HOMER2: variants seen among roughly 807,000 people sequenced by gnomAD.
HOMER2 encodes the protein homer protein homolog 2.
A neutral mutation model predicts 47.0 loss-of-function variants in HOMER2; 27 were observed. That is an observed-to-expected ratio of 0.57 (90% CI 0.42 to 0.79). The LOEUF (loss-of-function observed/expected upper bound fraction) is 0.79. Ranked by LOEUF, HOMER2 falls within the 30% of genes least tolerant of loss-of-function variation. The probability of loss-of-function intolerance (pLI) is 0.00; values close to 1 mark genes in which losing one functional copy is unlikely to be tolerated. For synonymous variants in HOMER2, 161 were observed against 163.8 expected (o/e 0.98, Z 0.13); for missense variants, 443 against 435.0 (o/e 1.02, Z -0.16).
chr15:82,855,283 G>A (rs760005218), intron 5 of HOMER2, among the ~76,000 whole-genome samples: 16 of 119,834 alleles, frequency 1.3e-4, no homozygotes, highest in East Asian at 5.7e-4. Context: ...CCGAGATCAC[G>A]CCACTGCACT....
intron 2 of HOMER2, among the ~76,000 whole-genome samples, chr15:82,878,322 T>C (rs934076222): frequency 8.5e-4 from 129 of 152,294 alleles, no homozygotes; most frequent in African/African-American, 3.0e-3. Context: ...TAGGGCACTT[T>C]TTCACAGTCT....
intron 1 of HOMER2, among the ~76,000 whole-genome samples, chr15:82,984,436 A>G (rs76230174): frequency 0.011 from 1,653 of 152,352 alleles, 9 homozygotes; most frequent in Non-Finnish European, 0.017. Context: ...TACTTTTGCT[A>G]GGTTAATGTT....
At chr15:82,958,877 T>A (rs2054607298) in exon 2 of HOMER2, 1 of 152,506 alleles carries the variant, frequency 6.6e-6, no homozygotes, top group African/African-American at 2.4e-5. Flanking sequence ...AAAATAGAAA[T>A]GACCAGATGA....
rs1286577516 is a variant in HOMER2, at chr15:82,888,784, G to A, written c.162+3901C>T. 3.2e-4 allele frequency among the ~76,000 whole-genome samples: 26 copies of A among 82,328 alleles called. 6 individuals carry two copies. Among genetic ancestry groups the A allele is most frequent in the African/African-American group, 8.2e-4 (14 of 17,106 alleles). 54.0% of individuals were successfully genotyped at this position (82,328 alleles called of 152,430 possible). ...ACGGTGCGCACACACACTGGCCTGCGCCCACTGTCTGGCACTCCCTAGTGA... is the reference window on the plus strand; with the variant it reads ...ACGGTGCGCACACACACTGGCCTGCACCCACTGTCTGGCACTCCCTAGTGA... On this transcript the variant is annotated intron_variant, in intron 2 of 8. Coordinates refer to ENST00000450735, the MANE Select transcript of HOMER2 (RefSeq NM_004839.4).
At position 82,892,671 on chromosome 15, in the gene HOMER2, T is replaced by G. The variant is rs1248595890; in HGVS notation, c.162+14A>C. Reference sequence around the variant, plus strand: ...AGCAACTGGGAGTATTAAAATCAGCTGAGGGGGTGGTACCTTGGCTCCGTC... The same window carrying G: ...AGCAACTGGGAGTATTAAAATCAGCGGAGGGGGTGGTACCTTGGCTCCGTC... On this transcript the variant is annotated intron_variant, in intron 2 of 8. Transcript: ENST00000450735. The G allele has an allele frequency of 6.6e-7, 1 of 1,506,822 alleles. No homozygotes were observed. Among genetic ancestry groups the G allele is most frequent in the African/African-American group, 1.4e-5 (1 of 73,108 alleles). 93.3% of individuals were successfully genotyped at this position (1,506,822 alleles called of 1,614,324 possible).
chr15:82,982,899 G>C (rs916164954), intron 1 of HOMER2, among the ~76,000 whole-genome samples: 2 of 152,128 alleles, frequency 1.3e-5, no homozygotes, highest in African/African-American at 4.8e-5. Flanking sequence ...TATTTCCTGA[G>C]GGATAGGCCT....
At chr15:82,836,797 G>A (rs902221062), downstream of HOMER2, 1 of 152,298 alleles carries the variant, frequency 6.6e-6, no homozygotes, top group African/African-American at 2.4e-5. Flanking sequence ...AGAATGAGGA[G>A]GTTATTGGTT....
intron 3 of HOMER2, among the ~76,000 whole-genome samples, chr15:82,867,253 A>G (rs1358622128): frequency 6.6e-6 from 1 of 152,126 alleles, no homozygotes; most frequent in African/African-American, 2.4e-5. Flanking sequence ...GCATGTATCA[A>G]GCTTCTGCTT....
chr15:82,836,718 T>A (rs2051131320), downstream of HOMER2, among the ~76,000 whole-genome samples: 1 of 152,240 alleles, frequency 6.6e-6, no homozygotes, highest in African/African-American at 2.4e-5. Context: ...CAGACTTGTG[T>A]ATTCATCTGT....
At chr15:82,974,485 C>A (rs2030130916) in intron 1 of HOMER2, among the ~76,000 whole-genome samples, 1 of 152,062 alleles carries the variant, frequency 6.6e-6, no homozygotes, top group South Asian at 2.1e-4. Context: ...TTCTACCTAC[C>A]ATGGTGAAAA....
Position 82,905,197 on chromosome 15 carries a change from A to G in HOMER2, c.6-12356T>C, listed in dbSNP as rs372174503. Among the ~76,000 whole-genome samples the G allele has an allele frequency of 1.0e-3, 154 of 152,186 alleles. 4 individuals carry two copies. In the South Asian group the frequency reaches 0.028, roughly 28 times the overall value. ...AGGAAAGAACCTTTCTCAGTCTTCAAGGCAGCCTTAAACTGCTTTCGGAAG... is the reference window on the plus strand; with the variant it reads ...AGGAAAGAACCTTTCTCAGTCTTCAGGGCAGCCTTAAACTGCTTTCGGAAG... On this transcript the variant is annotated intron_variant, in intron 1 of 8. Coordinates refer to ENST00000450735, the MANE Select transcript of HOMER2 (RefSeq NM_004839.4).
At chr15:82,939,142 A>C (rs1343889909) in intron 1 of HOMER2, among the ~76,000 whole-genome samples, 1 of 152,220 alleles carries the variant, frequency 6.6e-6, no homozygotes, top group Non-Finnish European at 1.5e-5. Context: ...GGACAAGTGA[A>C]AAGTCACCAT....
Position 82,970,244 on chromosome 15 carries a change from T to A in HOMER2, n.83-10936A>T, listed in dbSNP as rs542352444. Reference sequence around the variant, plus strand: ...GGGAGGACAGAGCTGTCAGCAGGGCTTGGGGACTATTAGGAGTATCTAGAT... The same window carrying A: ...GGGAGGACAGAGCTGTCAGCAGGGCATGGGGACTATTAGGAGTATCTAGAT... On this transcript the variant is annotated intron_variant and non_coding_transcript_variant, in intron 1 of 1. Coordinates refer to the HOMER2 transcript ENST00000500334. Among the ~76,000 whole-genome samples the A allele has an allele frequency of 1.2e-4, 18 of 152,340 alleles. 2 individuals are homozygous for A. The South Asian group carries it at 3.5e-3, about 30-fold the overall frequency.
At chr15:82,959,267 C>T (rs954597157) in exon 2 of HOMER2, 2 of 152,478 alleles carry the variant, frequency 1.3e-5, no homozygotes, top group East Asian at 1.9e-4. Context: ...GAGGCAGCTT[C>T]TCACAGAAGG....
At chr15:82,841,786 A>G (rs766941471) in exon 2 of HOMER2, 2 of 152,232 alleles carry the variant, frequency 1.3e-5, no homozygotes, top group African/African-American at 2.4e-5. Flanking sequence ...GCCAAGTTAA[A>G]CTATTATACA....
At chr15:82,850,181 C>G (rs566919166) in intron 8 of HOMER2, among the ~76,000 whole-genome samples, 1 of 152,254 alleles carries the variant, frequency 6.6e-6, no homozygotes, top group Non-Finnish European at 1.5e-5. Context: ...GCAGGCAGAA[C>G]GCAGAGTCCT....
chr15:82,927,892 A>C (rs1166044202), intron 1 of HOMER2, among the ~76,000 whole-genome samples: 1 of 151,218 alleles, frequency 6.6e-6, no homozygotes, highest in Non-Finnish European at 1.5e-5. Flanking sequence ...ATTGATTGAA[A>C]CCGGGAGGCG....
intron 3 of HOMER2, among the ~76,000 whole-genome samples, chr15:82,866,531 G>C (rs1038989297): frequency 3.9e-5 from 6 of 152,172 alleles, no homozygotes; most frequent in African/African-American, 1.2e-4. Context: ...GTGATGACAT[G>C]AGATTTGGGA....
chr15:82,950,922 T>C (rs529628763), intron 1 of HOMER2, among the ~76,000 whole-genome samples: 94 of 152,236 alleles, frequency 6.2e-4, no homozygotes, highest in African/African-American at 2.2e-3. Flanking sequence ...GTACGGTGGA[T>C]TGGTTTTGTG....
Sources: gnomAD v4.1 joint callset for allele counts (sites outside exome capture counted in the v4.1 genomes callset) on GRCh38, gnomAD v4.1.1 for gene constraint, MANE v1.5 for transcripts, NCBI Gene and HGNC (gene_info 2026-07-23, HGNC 2026-07-21) for gene names.